The following BTBD1 variants were observed in gnomAD, a reference collection of about 807,000 sequenced individuals.
BTBD1 encodes the protein BTB domain containing 1.
A neutral mutation model predicts 48.0 loss-of-function variants in BTBD1; 34 were observed. The observed-to-expected ratio is 0.71, with a 90% CI of 0.54 to 0.94. BTBD1 has a LOEUF of 0.94. Ranked by LOEUF, BTBD1 falls within the 40% of genes least tolerant of loss-of-function variation. The pLI is 0.00. For missense variants in BTBD1, 543 were observed against 625.6 expected (o/e 0.87, Z 1.41); for synonymous variants, 261 against 242.1 (o/e 1.08, Z -0.72).
intron 5 of BTBD1, chr15:83,024,202 T>C (rs1169336070): frequency 1.3e-5 from 2 of 152,152 alleles, no homozygotes; most frequent in Non-Finnish European, 2.9e-5. Flanking sequence ...GGTAAAACAT[T>C]TGCTCATATG....
intron 3 of BTBD1, among the ~76,000 whole-genome samples, chr15:83,049,614 CA>C (rs1486270220): frequency 6.6e-6 from 1 of 151,818 alleles, no homozygotes; most frequent in South Asian, 2.1e-4. Flanking sequence ...ATTTTAAGTT[CA>C]GGGGTACATG....
chr15:83,021,012 G>A (rs1179983420), intron 5 of BTBD1, among the ~76,000 whole-genome samples: 2 of 152,170 alleles, frequency 1.3e-5, no homozygotes, highest in Non-Finnish European at 2.9e-5. Flanking sequence ...TTGTTGTAAT[G>A]ATAATTTTAG....
At chr15:83,054,988 T>TTGTAAAATGAGAGGGTTGAGCTAG (rs2033058262) in intron 2 of BTBD1, among the ~76,000 whole-genome samples, 1 of 152,174 alleles carries the variant, frequency 6.6e-6, no homozygotes, top group African/African-American at 2.4e-5. Context: ...ATTTTCCCGT[T>TTGTAAAATGAGAGGGTTGAGCTAG]TGTAAAATGA....
intron 5 of BTBD1, among the ~76,000 whole-genome samples, chr15:83,023,750 A>T (rs2032347482): frequency 6.6e-6 from 1 of 152,198 alleles, no homozygotes; most frequent in Non-Finnish European, 1.5e-5. Flanking sequence ...GAAAGATAAC[A>T]TTTTATACCC....
intron 2 of BTBD1, among the ~76,000 whole-genome samples, chr15:83,052,631 ATTTT>A (rs35721041): frequency 7.5e-6 from 1 of 132,670 alleles, no homozygotes; most frequent in African/African-American, 2.8e-5. Flanking sequence ...ATATCAACAG[ATTTT>A]TTTTTTTTTT....
At chr15:83,054,798 G>A (rs867697651) in intron 2 of BTBD1, among the ~76,000 whole-genome samples, 3 of 152,064 alleles carry the variant, frequency 2.0e-5, no homozygotes, top group African/African-American at 7.2e-5. Context: ...TTGGCCTCAT[G>A]ATCTGCCCGC....
chr15:83,035,625 T>C (rs1227813255), intron 4 of BTBD1, among the ~76,000 whole-genome samples: 3 of 151,978 alleles, frequency 2.0e-5, no homozygotes, highest in Non-Finnish European at 4.4e-5. Flanking sequence ...AAAAAGAATA[T>C]AGGTTGACCT....
chr15:83,064,514 T>C (rs1002909707), intron 1 of BTBD1, among the ~76,000 whole-genome samples: 3 of 152,214 alleles, frequency 2.0e-5, no homozygotes, highest in Non-Finnish European at 4.4e-5. Context: ...GGTGAAAATA[T>C]TAAAATATGT....
chr15:83,035,076 C>T (rs977061291), intron 4 of BTBD1, among the ~76,000 whole-genome samples: 2 of 152,082 alleles, frequency 1.3e-5, no homozygotes, highest in Admixed American at 1.3e-4. Context: ...GGTGGATCAC[C>T]TGAGGTCAGG....
intron 5 of BTBD1, among the ~76,000 whole-genome samples, chr15:83,027,803 CATG>C (rs1016947340): frequency 1.3e-5 from 2 of 152,184 alleles, no homozygotes; most frequent in African/African-American, 2.4e-5. Flanking sequence ...CAATGCTGCT[CATG>C]ATATTTAAGA....
At chr15:83,061,419 A>G (rs184830983) in intron 1 of BTBD1, 2 of 152,316 alleles carry the variant, frequency 1.3e-5, no homozygotes, top group African/African-American at 4.8e-5. Context: ...AGGCACTCAT[A>G]TCTAATAACT....
intron 2 of BTBD1, among the ~76,000 whole-genome samples, chr15:83,053,074 A>C (rs768093948): frequency 5.9e-5 from 9 of 152,278 alleles, no homozygotes; most frequent in African/African-American, 9.6e-5. Context: ...CTCCTTACAC[A>C]GGCAATATCA....
At chr15:83,059,531 C>A (rs137902425) in intron 1 of BTBD1, among the ~76,000 whole-genome samples, 2,140 of 152,234 alleles carry the variant, frequency 0.014, 36 homozygotes, top group Middle Eastern at 0.071. Flanking sequence ...GGCGACAGAG[C>A]AAGACTCCGT....
At chr15:83,032,977 A>AAAAAAAAAAAAAAAAC (rs752456266) in intron 4 of BTBD1, among the ~76,000 whole-genome samples, 7 of 149,536 alleles carry the variant, frequency 4.7e-5, no homozygotes, top group Non-Finnish European at 7.5e-5. Context: ...CTCAAAAAAA[A>AAAAAAAAAAAAAAAAC]AAAAAAAAAA....
chr15:83,042,342 G>A (rs2032776587), intron 3 of BTBD1, among the ~76,000 whole-genome samples: 3 of 84,754 alleles, frequency 3.5e-5, no homozygotes, highest in Non-Finnish European at 7.2e-5. Context: ...GTACTATTAG[G>A]CAATTTTATA....
At chr15:83,024,943 G>C (rs1003486426) in intron 5 of BTBD1, among the ~76,000 whole-genome samples, 1 of 152,136 alleles carries the variant, frequency 6.6e-6, no homozygotes. Context: ...GTTAGTTTCT[G>C]ACATCTATAG....
At chr15:83,032,760 G>C (rs1455437539) in intron 4 of BTBD1, among the ~76,000 whole-genome samples, 1 of 151,916 alleles carries the variant, frequency 6.6e-6, no homozygotes, top group Non-Finnish European at 1.5e-5. Flanking sequence ...AGCGATAAAA[G>C]CCTACATGTT....
rs745312065 is a variant in BTBD1 at position 83,018,174 on chromosome 15, T to C, written c.1342A>G (p.Thr448Ala). 6.2e-7 allele frequency: 1 copy of C among 1,611,512 alleles called. No individual in the cohort carries two copies. Among genetic ancestry groups the C allele is most frequent in the East Asian group, 2.2e-5 (1 of 44,714 alleles). The part of the protein sequence containing the change: ...TKGLKKVVHE[T>A]PAASKTVFFF... Reference sequence around the variant, plus strand: ...AAAACAGTCTTGCTTGCAGCAGGTGTCTCATGCACTACTTTCTTCAATCCT... The same window carrying C: ...AAAACAGTCTTGCTTGCAGCAGGTGCCTCATGCACTACTTTCTTCAATCCT... The change falls in exon 8 of 8, where the codon ACA becomes GCA. Residue 448 changes from threonine (T) to alanine (A), a missense_variant. Thr to Ala is a moderately conservative substitution (Grantham distance 58). Transcript: ENST00000261721.
intron 4 of BTBD1, among the ~76,000 whole-genome samples, chr15:83,033,971 T>C (rs1286170752): frequency 6.6e-6 from 1 of 151,086 alleles, no homozygotes; most frequent in African/African-American, 2.4e-5. Context: ...AATAAAAGAA[T>C]CTTTAATACG....
Sources: gnomAD v4.1 joint callset for allele counts (sites outside exome capture counted in the v4.1 genomes callset) on GRCh38, gnomAD v4.1.1 for gene constraint, MANE v1.5 for transcripts, NCBI Gene and HGNC (gene_info 2026-07-23, HGNC 2026-07-21) for gene names.